Variants in EXPH5 observed in about 807,000 individuals in gnomAD.
EXPH5 encodes exophilin-5.
In EXPH5, 42 loss-of-function variants were observed where a neutral mutation model predicts 41.1. The ratio of observed to expected loss-of-function variants is 1.02; its 90% CI spans 0.80 to 1.32. The LOEUF (loss-of-function observed/expected upper bound fraction) is 1.32. Among genes scored for constraint, EXPH5 ranks in the 40% most tolerant of loss-of-function variants. EXPH5 has a pLI of 0.00. For synonymous variants in EXPH5, 798 were observed against 833.5 expected (o/e 0.96, Z 0.73); for missense variants, 2,298 against 2,314.5 (o/e 0.99, Z 0.15).
chr11:108,527,016 A>C (rs2093804272), intron 4 of EXPH5, among the ~76,000 whole-genome samples: 1 of 149,906 alleles, frequency 6.7e-6, no homozygotes, highest in South Asian at 2.1e-4. Context: ...AGAAAGAAGT[A>C]GTGTAAAGAA....
chr11:108,564,952 C>T lies in EXPH5; in HGVS notation c.120-23140G>A, dbSNP rs1227026678. 7.4e-5 allele frequency among the ~76,000 whole-genome samples: 10 copies of T among 135,600 alleles called. No homozygotes were observed. In the Admixed American group the frequency reaches 8.1e-4, roughly 11 times the overall value. 89.0% of individuals were successfully genotyped at this position (135,600 alleles called of 152,430 possible). A position where few individuals can be genotyped will look rare whatever the true frequency, so the allele number is the denominator to read the frequency against. On this transcript the variant is annotated intron_variant, in intron 1 of 5. Coordinates refer to ENST00000265843, the MANE Select transcript of EXPH5 (RefSeq NM_015065.3). ...GGAGTCTCACTCTGTCTCACTCAGGCTGGAGTGCAGTGGTGAGATCTCAGC... is the reference window on the plus strand; with the variant it reads ...GGAGTCTCACTCTGTCTCACTCAGGTTGGAGTGCAGTGGTGAGATCTCAGC...
At chr11:108,530,284 T>C (rs560917903) in intron 3 of EXPH5, among the ~76,000 whole-genome samples, 57 of 152,340 alleles carry the variant, frequency 3.7e-4, no homozygotes, top group Non-Finnish European at 2.4e-4. Context: ...TTGAGCTCTT[T>C]GGAGGAAACA....
intron 1 of EXPH5, among the ~76,000 whole-genome samples, chr11:108,560,031 C>G (rs1175403119): frequency 6.6e-6 from 1 of 152,152 alleles, no homozygotes; most frequent in Admixed American, 6.5e-5. Flanking sequence ...TCCCACCCTA[C>G]CCACACACAC....
In EXPH5 at chr11:108,508,902, C is replaced by T. The variant is rs1014510751; in HGVS notation, c.*635G>A. Reference sequence around the variant, plus strand: ...ACCATGTGCCTCCCAGGCTCCACTACGGATATAACAGGAAGTACTTACAAA... The same window carrying T: ...ACCATGTGCCTCCCAGGCTCCACTATGGATATAACAGGAAGTACTTACAAA... On this transcript the variant is annotated 3_prime_UTR_variant, in exon 6 of 6. Coordinates refer to ENST00000265843, the MANE Select transcript of EXPH5 (RefSeq NM_015065.3). 1 of 152,112 alleles carries T rather than the reference C, an allele frequency of 6.6e-6. No individual in the cohort carries two copies. The highest frequency in any genetic ancestry group is 2.4e-5 in the African/African-American group (1 of 41,402). The allele number at this position is 152,112 out of a possible 1,614,324, so 9.4% of individuals were successfully genotyped here. A position where few individuals can be genotyped will look rare whatever the true frequency, so the allele number is the denominator to read the frequency against.
At chr11:108,568,206 T>C (rs2094043725) in intron 1 of EXPH5, 1 of 150,346 alleles carries the variant, frequency 6.7e-6, no homozygotes, top group Non-Finnish European at 1.5e-5. Flanking sequence ...CAATAATCAG[T>C]TGGCCTTAAT....
chr11:108,598,952 T>C, the EXPH5 span, among the ~76,000 whole-genome samples: 1 of 152,116 alleles, frequency 6.6e-6, no homozygotes, highest in Non-Finnish European at 1.5e-5. Context: ...TCTCACCTCC[T>C]TCCACCTCAT....
chr11:108,543,957 A>G (rs2093925943), intron 1 of EXPH5, among the ~76,000 whole-genome samples: 1 of 152,144 alleles, frequency 6.6e-6, no homozygotes, highest in Non-Finnish European at 1.5e-5. Flanking sequence ...CCTCTAACTT[A>G]TGAATGCCTC....
chr11:108,507,330 ACTCT>A lies in EXPH5; in HGVS notation c.*2203_*2206del, dbSNP rs751802693. ...ATAACAACAACATAGTTCTTTCTTAACTCTCTATCAGTTCCAGATCTCTATACAC... is the reference window on the plus strand; with the variant it reads ...ATAACAACAACATAGTTCTTTCTTAACTATCAGTTCCAGATCTCTATACAC... On this transcript the variant is annotated 3_prime_UTR_variant, in exon 6 of 6. Transcript: ENST00000265843. 6.6e-6 allele frequency: 1 copy of A among 152,090 alleles called. No individual in the cohort carries two copies. Among genetic ancestry groups the A allele is most frequent in the Non-Finnish European group, 1.5e-5 (1 of 68,016 alleles). 9.4% of individuals were successfully genotyped at this position (152,090 alleles called of 1,614,324 possible). A position where few individuals can be genotyped will look rare whatever the true frequency, so the allele number is the denominator to read the frequency against.
rs532925122 is a variant in EXPH5, at chr11:108,535,910, C to T, written c.443+3114G>A. Among the ~76,000 whole-genome samples, 4 of 152,314 alleles carry T rather than the reference C, an allele frequency of 2.6e-5. No homozygotes were observed. In the South Asian group the frequency reaches 8.3e-4, roughly 32 times the overall value. On this transcript the variant is annotated intron_variant, in intron 3 of 5. Coordinates refer to ENST00000265843, the MANE Select transcript of EXPH5 (RefSeq NM_015065.3). ...CAGCTGAGAAGACTGCATGTATAAG[C>T]TGATGACGTACACCATTGGATGCCC... is the stretch of plus-strand genomic sequence containing the variant.
At position 108,511,606 on chromosome 11, in the gene EXPH5, A is replaced by G; in HGVS notation, c.3901T>C (p.Ser1301Pro). ...NALEKDKQNY[S>P]TREQSGTPSC... ...GGTGTTCCTGACTGCTCTCGTGTAG[A>G]ATAATTCTGTTTGTCTTTTTCTAAA... Residue 1301 changes from serine to proline, a missense_variant, in exon 6 of 6, where the codon TCT becomes CCT. Coordinates refer to ENST00000265843, the MANE Select transcript of EXPH5 (RefSeq NM_015065.3). 6.2e-7 allele frequency: 1 copy of G among 1,613,012 alleles called. No individual in the cohort carries two copies. The highest frequency in any genetic ancestry group is 8.5e-7 in the Non-Finnish European group (1 of 1,179,776).
In EXPH5 at chr11:108,514,808, G is replaced by T; in HGVS notation, c.699C>A (p.Pro233=). ...ACTGTGTTCTTGATCCATAGTTGAG[G>T]GGTGTTCTGGTATTCACTGAGCTTG... ...QSASSVNTRT[P]LNYGSRTQFG... is the part of the protein sequence containing the mutation. The change falls in exon 6 of 6, where the codon CCC becomes CCA. Residue 233 remains proline (P), a synonymous_variant. Transcript: ENST00000265843. 1 of 1,589,182 alleles carries T rather than the reference G, an allele frequency of 6.3e-7. No individual in the cohort carries two copies. Among genetic ancestry groups the T allele is most frequent in the Non-Finnish European group, 8.5e-7 (1 of 1,171,590 alleles).
rs1049985013 is a variant in EXPH5 at position 108,507,184 on chromosome 11, T to G, written c.*2353A>C. ...GGTCAGAGCTTGAAGTTTAAAATAGTTGACAGATTTAGGGAATAGCTTTCA... is the reference window on the plus strand; with the variant it reads ...GGTCAGAGCTTGAAGTTTAAAATAGGTGACAGATTTAGGGAATAGCTTTCA... On this transcript the variant is annotated 3_prime_UTR_variant, in exon 6 of 6. Transcript: ENST00000265843. 3.9e-5 allele frequency: 6 copies of G among 152,228 alleles called. No individual in the cohort carries two copies. The highest frequency in any genetic ancestry group is 1.4e-4 in the African/African-American group (6 of 41,460). The allele number at this position is 152,228 out of a possible 1,614,324, so 9.4% of individuals were successfully genotyped here.
intron 1 of EXPH5, among the ~76,000 whole-genome samples, chr11:108,546,221 G>A (rs1036239357): frequency 2.0e-5 from 3 of 152,044 alleles, no homozygotes; most frequent in Admixed American, 6.6e-5. Flanking sequence ...TAGGCGTAGG[G>A]TTCTGCAATT....
intron 4 of EXPH5, among the ~76,000 whole-genome samples, chr11:108,522,206 A>G (rs545635901): frequency 6.9e-6 from 1 of 145,132 alleles, no homozygotes; most frequent in East Asian, 1.9e-4. Flanking sequence ...TTTTTTTTTA[A>G]AAAAGGAACT....
intron 1 of EXPH5, 93 bp downstream of exon 1, chr11:108,593,325 C>T (rs2094132804): frequency 2.7e-6 from 3 of 1,096,756 alleles, no homozygotes; most frequent in South Asian, 2.7e-5. Flanking sequence ...CACCCCCGGG[C>T]AGGTGCCCCG....
At chr11:108,540,618 T>C (rs934024121) in intron 2 of EXPH5, among the ~76,000 whole-genome samples, 8 of 152,170 alleles carry the variant, frequency 5.3e-5, no homozygotes, top group African/African-American at 1.9e-4. Flanking sequence ...TAAAAAGATA[T>C]TTTATTTTAG....
At chr11:108,530,029 C>A (rs181578458) in intron 3 of EXPH5, among the ~76,000 whole-genome samples, 7 of 152,174 alleles carry the variant, frequency 4.6e-5, no homozygotes, top group Admixed American at 4.6e-4. Context: ...CTTCATGGTT[C>A]ATAAAAGTTG....
chr11:108,573,198 A>AAGAAAGAAAGAAAGAAAGAG (rs1456627760), intron 1 of EXPH5, among the ~76,000 whole-genome samples: 35 of 108,278 alleles, frequency 3.2e-4, no homozygotes, highest in East Asian at 1.9e-3. Flanking sequence ...GAAAGAAAGA[A>AAGAAAGAAAGAAAGAAAGAG]AAAGAAAGAA....
chr11:108,523,578 C>CT lies in EXPH5; in HGVS notation c.492+4557dup, dbSNP rs1465103887. 3.3e-5 allele frequency among the ~76,000 whole-genome samples: 5 copies of CT among 152,092 alleles called. No individual in the cohort carries two copies. The East Asian group carries it at 9.6e-4, about 29-fold the overall frequency. ...ATTTATGATATACCAAGGTGGAAAACTAACTATATAAGGCTGTGTGTGGTG... is the reference window on the plus strand; with the variant it reads ...ATTTATGATATACCAAGGTGGAAAACTTAACTATATAAGGCTGTGTGTGGTG... On this transcript the variant is annotated intron_variant, in intron 4 of 5. Coordinates refer to ENST00000265843, the MANE Select transcript of EXPH5 (RefSeq NM_015065.3).
Sources: allele counts gnomAD v4.1 joint callset (sites outside exome capture counted in the v4.1 genomes callset), GRCh38; gene constraint gnomAD v4.1.1; transcripts MANE v1.5; gene names NCBI Gene and HGNC (gene_info 2026-07-23, HGNC 2026-07-21).